Variants in ACYP2 observed in about 807,000 individuals in gnomAD.
ACYP2 encodes the protein acylphosphatase-2.
A neutral mutation model predicts 11.2 loss-of-function variants in ACYP2; 12 were observed. The ratio of observed to expected loss-of-function variants is 1.08; its 90% CI spans 0.69 to 1.74. The LOEUF is 1.74. ACYP2 is among the 40% of genes most tolerant of loss of function. The probability of loss-of-function intolerance (pLI) is 0.00; values close to 1 mark genes in which losing one functional copy is unlikely to be tolerated. For missense variants in ACYP2, 134 were observed against 101.9 expected, an observed-to-expected ratio of 1.31 and a Z score of -1.35; for synonymous variants, 43 against 32.2, an observed-to-expected ratio of 1.33 and a Z score of -1.13.
intron 6 of ACYP2, among the ~76,000 whole-genome samples, chr2:54,197,914 ATTATTTTAT>A (rs1480078713): frequency 3.7e-4 from 42 of 114,338 alleles, no homozygotes; most frequent in Non-Finnish European, 4.5e-4. Flanking sequence ...ATTTTATTTT[ATTATTTTAT>A]TTTATTTATG....
chr2:54,170,315 G>A (rs1683169977), intron 6 of ACYP2, among the ~76,000 whole-genome samples: 1 of 152,048 alleles, frequency 6.6e-6, no homozygotes, highest in East Asian at 1.9e-4. Context: ...ACCATGCCTG[G>A]CTCATTTTTG....
intron 6 of ACYP2, among the ~76,000 whole-genome samples, chr2:54,238,204 A>C (rs1686581112): frequency 6.6e-6 from 1 of 152,160 alleles, no homozygotes; most frequent in Admixed American, 6.5e-5. Context: ...ATGCTTCTTC[A>C]TAGCACTTAC....
At chr2:54,137,542 C>G (rs928874496) in intron 5 of ACYP2, among the ~76,000 whole-genome samples, 36 of 151,402 alleles carry the variant, frequency 2.4e-4, no homozygotes, top group African/African-American at 8.4e-4. Context: ...TATTTGGTTT[C>G]TATTCCTGTG....
intron 6 of ACYP2, among the ~76,000 whole-genome samples, chr2:54,196,513 T>C (rs906174088): frequency 2.0e-5 from 3 of 152,136 alleles, no homozygotes; most frequent in Non-Finnish European, 2.9e-5. Flanking sequence ...ATTATTTCAA[T>C]TTTTTTTAAG....
chr2:54,126,791 A>G (rs990362693), intron 4 of ACYP2, among the ~76,000 whole-genome samples: 2 of 151,358 alleles, frequency 1.3e-5, no homozygotes, highest in Non-Finnish European at 2.9e-5. Context: ...CTACTAAAAA[A>G]TGCAAAAAAT....
chr2:54,255,230 G>C, intron 6 of ACYP2: 2 of 1,614,202 alleles, frequency 1.2e-6, no homozygotes, highest in East Asian at 4.5e-5. Context: ...TTTACAATCA[G>C]CTTGTTTCTG....
chr2:54,114,870 C>T (rs1030907915), intron 4 of ACYP2, among the ~76,000 whole-genome samples: 10 of 152,182 alleles, frequency 6.6e-5, no homozygotes, highest in Non-Finnish European at 1.3e-4. Flanking sequence ...CCTGACTGTA[C>T]AGAAGAGCTC....
At chr2:53,974,620 T>G (rs964114499) in intron 2 of ACYP2, among the ~76,000 whole-genome samples, 1 of 152,198 alleles carries the variant, frequency 6.6e-6, no homozygotes, top group Non-Finnish European at 1.5e-5. Flanking sequence ...ATTTAATGAT[T>G]TTTTCCCTAA....
intron 2 of ACYP2, among the ~76,000 whole-genome samples, chr2:53,997,459 C>T (rs112358074): frequency 2.9e-4 from 44 of 152,208 alleles, no homozygotes; most frequent in African/African-American, 8.9e-4. Flanking sequence ...GCATGCACCA[C>T]CAAGCCCGGC....
rs141555466 is a variant in ACYP2, at chr2:54,298,029, A to G, written c.405-6659A>G. ...TAGAAGAATAATGAGGTGGCGGTAT[A>G]GGGACTAATGGACATTAAAATATAT... On this transcript the variant is annotated intron_variant, in intron 6 of 6. Transcript: ENST00000607452. 5.5e-3 allele frequency among the ~76,000 whole-genome samples: 831 copies of G among 152,366 alleles called. 12 individuals are homozygous for G. Among genetic ancestry groups the G allele is most frequent in the African/African-American group, 0.019 (780 of 41,596 alleles).
intron 2 of ACYP2, among the ~76,000 whole-genome samples, chr2:54,037,296 G>T (rs529073712): frequency 6.6e-6 from 1 of 151,890 alleles, no homozygotes; most frequent in South Asian, 2.1e-4. Flanking sequence ...TGTATTTTTG[G>T]TAGAGACGGA....
intron 4 of ACYP2, among the ~76,000 whole-genome samples, chr2:54,096,265 T>C (rs1286293744): frequency 7.3e-6 from 1 of 137,122 alleles, no homozygotes; most frequent in African/African-American, 2.8e-5. Context: ...TCCCCACATC[T>C]CAGACGATGG....
At chr2:54,031,762 T>G (rs1428662633) in intron 2 of ACYP2, among the ~76,000 whole-genome samples, 1 of 152,214 alleles carries the variant, frequency 6.6e-6, no homozygotes, top group African/African-American at 2.4e-5. Flanking sequence ...AGCGTTCCTA[T>G]TCCTCCACAT....
At chr2:54,115,689 C>G in intron 4 of ACYP2, 4 of 1,610,274 alleles carry the variant, frequency 2.5e-6, no homozygotes, top group Non-Finnish European at 3.4e-6. Context: ...ACAGAGGGCT[C>G]GCCGCCGCCA....
In ACYP2 at chr2:53,973,764, A is replaced by C. The variant is rs990918056; in HGVS notation, c.16A>C (p.Ser6Arg). The C allele has an allele frequency of 1.4e-5, 5 of 348,842 alleles. No individual in the cohort carries two copies. Among genetic ancestry groups the C allele is most frequent in the Non-Finnish European group, 2.6e-5 (5 of 194,574 alleles). 21.6% of individuals were successfully genotyped at this position (348,842 alleles called of 1,614,324 possible). Reference sequence around the variant, plus strand: ...ATAAACAGCCATGTTGCTCACACAAAGCCTGTTTGGTGGTCTCTTCCCACG... The same window carrying C: ...ATAAACAGCCATGTTGCTCACACAACGCCTGTTTGGTGGTCTCTTCCCACG... Residue 6 changes from serine to arginine, a missense_variant, in exon 2 of 7, where the codon AGC becomes CGC. Coordinates refer to ENST00000607452, the MANE Select transcript of ACYP2 (RefSeq NM_001320586.2).
At chr2:54,099,662 T>A (rs1480075589) in intron 4 of ACYP2, among the ~76,000 whole-genome samples, 3 of 152,226 alleles carry the variant, frequency 2.0e-5, no homozygotes, top group Non-Finnish European at 4.4e-5. Context: ...ATTTTTTTTT[T>A]ATCCATTCAT....
intron 6 of ACYP2, among the ~76,000 whole-genome samples, chr2:54,197,939 ATTATATTGTATTGTATTGTATTG>A (rs1684570063): frequency 1.4e-5 from 1 of 72,384 alleles, no homozygotes; most frequent in African/African-American, 5.8e-5. Flanking sequence ...TTATGTATGT[ATTATATTGTATTGTATTGTATTG>A]TATTGTATTG....
chr2:54,075,288 C>T (rs953219999), intron 4 of ACYP2, among the ~76,000 whole-genome samples: 1 of 152,110 alleles, frequency 6.6e-6, no homozygotes, highest in Non-Finnish European at 1.5e-5. Flanking sequence ...CGCTTCAGCT[C>T]AGGAGTTCGA....
chr2:54,174,743 G>A (rs1683364849), intron 6 of ACYP2, among the ~76,000 whole-genome samples: 1 of 152,148 alleles, frequency 6.6e-6, no homozygotes, highest in Admixed American at 6.5e-5. Flanking sequence ...AAGGGCTGTT[G>A]AATTTTGTCA....
Sources: allele counts gnomAD v4.1 joint callset (sites outside exome capture counted in the v4.1 genomes callset), GRCh38; gene constraint gnomAD v4.1.1; transcripts MANE v1.5; gene names NCBI Gene and HGNC (gene_info 2026-07-23, HGNC 2026-07-21).